The following AK5 variants were observed in gnomAD, a reference collection of about 807,000 sequenced individuals.
AK5 encodes the protein adenylate kinase isoenzyme 5.
A neutral mutation model predicts 69.5 loss-of-function variants in AK5; 27 were observed. The ratio of observed to expected loss-of-function variants is 0.39; its 90% CI spans 0.29 to 0.54. AK5 has a LOEUF of 0.54. Ranked by LOEUF, AK5 falls within the 20% of genes least tolerant of loss-of-function variation. AK5 has a pLI of 0.71. For missense variants in AK5, 531 were observed against 700.4 expected (o/e 0.76, Z 2.73); for synonymous variants, 260 against 244.4 (o/e 1.06, Z -0.60).
intron 6 of AK5, among the ~76,000 whole-genome samples, chr1:77,389,532 A>C (rs970195824): frequency 9.2e-5 from 14 of 152,356 alleles, no homozygotes; most frequent in Admixed American, 9.1e-4. Flanking sequence ...GAAAAAAGGA[A>C]GATGGAGGAA....
intron 8 of AK5, among the ~76,000 whole-genome samples, chr1:77,450,000 T>A (rs533107291): frequency 6.6e-6 from 1 of 152,236 alleles, no homozygotes; most frequent in South Asian, 2.1e-4. Context: ...TGCTTAGAAA[T>A]TTCTTCCACC....
At chr1:77,408,322 C>A (rs2100563835) in intron 6 of AK5, among the ~76,000 whole-genome samples, 1 of 152,174 alleles carries the variant, frequency 6.6e-6, no homozygotes, top group East Asian at 1.9e-4. Flanking sequence ...TAATAATAGC[C>A]TTCTGACTGG....
chr1:77,401,424 A>C (rs1375265826), intron 6 of AK5, among the ~76,000 whole-genome samples: 1 of 152,216 alleles, frequency 6.6e-6, no homozygotes, highest in African/African-American at 2.4e-5. Flanking sequence ...TCAAGGGAGA[A>C]GTAAAAATTT....
rs545564725 is a variant in AK5 at position 77,374,211 on chromosome 1, A to G, written c.891+33643A>G. Among the ~76,000 whole-genome samples the G allele has an allele frequency of 4.7e-4, 72 of 152,282 alleles. 1 individual carries two copies. Among genetic ancestry groups the G allele is most frequent in the Non-Finnish European group, 7.6e-4 (52 of 68,020 alleles). On this transcript the variant is annotated intron_variant, in intron 6 of 13. Transcript: ENST00000354567. ...GCACCATTCTCAATACTGTCTCATA[A>G]TAATTCAAAGTGGGTTTTTTTGTTC...
intron 6 of AK5, among the ~76,000 whole-genome samples, chr1:77,398,581 C>A (rs1027397434): frequency 2.6e-5 from 4 of 152,192 alleles, no homozygotes; most frequent in Non-Finnish European, 5.9e-5. Flanking sequence ...GTTAATTCAG[C>A]TTGACGAGTA....
intron 13 of AK5, among the ~76,000 whole-genome samples, chr1:77,556,545 A>G (rs1660112560): frequency 6.6e-6 from 1 of 152,150 alleles, no homozygotes; most frequent in South Asian, 2.1e-4. Context: ...GCTAATGGAC[A>G]TACAGGATTT....
At chr1:77,381,887 G>A (rs1223010210) in intron 6 of AK5, among the ~76,000 whole-genome samples, 1 of 152,142 alleles carries the variant, frequency 6.6e-6, no homozygotes, top group East Asian at 1.9e-4. Context: ...ATGCTAGATA[G>A]CATTAAAATA....
At chr1:77,309,229 C>G (rs1670618) in intron 5 of AK5, among the ~76,000 whole-genome samples, 134,277 of 151,862 alleles carry the variant, frequency 0.88, 59,781 homozygotes, top group Middle Eastern at 0.97. Flanking sequence ...TGCACGTGTC[C>G]TGGAACTTAA....
chr1:77,454,738 C>T (rs61784764), intron 8 of AK5, among the ~76,000 whole-genome samples: 3,938 of 152,272 alleles, frequency 0.026, 52 homozygotes, highest in Middle Eastern at 0.082. Flanking sequence ...TCATCTCGCA[C>T]ACAAATAATT....
At chr1:77,347,645 GAT>G (rs1661981551) in intron 6 of AK5, among the ~76,000 whole-genome samples, 1 of 152,048 alleles carries the variant, frequency 6.6e-6, no homozygotes, top group African/African-American at 2.4e-5. Flanking sequence ...CAATCTTTTG[GAT>G]AGAAAGGAAA....
intron 12 of AK5, among the ~76,000 whole-genome samples, chr1:77,525,214 C>A (rs1293132268): frequency 6.6e-6 from 1 of 152,118 alleles, no homozygotes; most frequent in African/African-American, 2.4e-5. Context: ...CAGCCTTGAT[C>A]CATTTTCAGC....
At position 77,483,402 on chromosome 1, in the gene AK5, A is replaced by G. The variant is rs182312807; in HGVS notation, c.1102+43A>G. 641 of 1,458,162 alleles carry G rather than the reference A, an allele frequency of 4.4e-4. 3 individuals carry two copies. In the African/African-American group the frequency reaches 8.0e-3, roughly 18 times the overall value. 90.3% of individuals were successfully genotyped at this position (1,458,162 alleles called of 1,614,324 possible). On this transcript the variant is annotated intron_variant, in intron 9 of 13. Coordinates refer to ENST00000354567, the MANE Select transcript of AK5 (RefSeq NM_174858.3). Reference sequence around the variant, plus strand: ...ATCAGATCAAAGTTGTCATTTTAGTAACTTTGACCATGCCTTTTTAATTAA... The same window carrying G: ...ATCAGATCAAAGTTGTCATTTTAGTGACTTTGACCATGCCTTTTTAATTAA...
intron 5 of AK5, among the ~76,000 whole-genome samples, chr1:77,332,542 T>C (rs1661142775): frequency 6.6e-6 from 1 of 150,664 alleles, no homozygotes; most frequent in African/African-American, 2.4e-5. Flanking sequence ...AAATATATTA[T>C]TAGTGTGTCA....
intron 6 of AK5, among the ~76,000 whole-genome samples, chr1:77,367,574 TATATA>T (rs1646982332): frequency 1.8e-4 from 2 of 10,842 alleles, no homozygotes; most frequent in East Asian, 1.3e-3. Flanking sequence ...TATATATATA[TATATA>T]ATATATATGT....
chr1:77,356,065 GC>G (rs1161658609), intron 6 of AK5, among the ~76,000 whole-genome samples: 10 of 152,064 alleles, frequency 6.6e-5, no homozygotes, highest in African/African-American at 2.4e-4. Context: ...TCTTTAAATT[GC>G]TGTAAACATG....
intron 13 of AK5, 41 bp downstream of exon 13, chr1:77,536,079 C>CT (rs372151681): frequency 0.11 from 131,952 of 1,165,072 alleles, 3 homozygotes; most frequent in Non-Finnish European, 0.12. Context: ...AGCCGCTTAC[C>CT]TTTTTTTTTT....
chr1:77,413,868 T>C lies in AK5; in HGVS notation c.982+2797T>C, dbSNP rs1248515413. Among the ~76,000 whole-genome samples the C allele has an allele frequency of 2.6e-5, 4 of 152,238 alleles. No individual in the cohort carries two copies. The East Asian group carries it at 5.8e-4, about 22-fold the overall frequency. On this transcript the variant is annotated intron_variant, in intron 7 of 13. Coordinates refer to ENST00000354567, the MANE Select transcript of AK5 (RefSeq NM_174858.3). ...CTGGAGTAACTGAAAAACTCCCCACTTCCCCTTCTCACCCAGAGCAACCCA... is the reference window on the plus strand; with the variant it reads ...CTGGAGTAACTGAAAAACTCCCCACCTCCCCTTCTCACCCAGAGCAACCCA...
At chr1:77,470,861 ATATATATATATATATT>A (rs1364086699) in intron 8 of AK5, among the ~76,000 whole-genome samples, 1 of 1,768 alleles carries the variant, frequency 5.7e-4, no homozygotes, top group Non-Finnish European at 1.1e-3. Context: ...ATATATATAT[ATATATATATATATATT>A]TTTTTTTTTT....
At chr1:77,435,812 TAA>T (rs2100622204) in intron 8 of AK5, among the ~76,000 whole-genome samples, 1 of 152,338 alleles carries the variant, frequency 6.6e-6, no homozygotes, top group South Asian at 2.1e-4. Flanking sequence ...AGTTGTAAAT[TAA>T]GTTTTAACTT....
Sources: allele counts gnomAD v4.1 joint callset (sites outside exome capture counted in the v4.1 genomes callset), GRCh38; gene constraint gnomAD v4.1.1; transcripts MANE v1.5; gene names NCBI Gene and HGNC (gene_info 2026-07-23, HGNC 2026-07-21).